Variants in RTN1 observed in about 807,000 individuals in gnomAD.
RTN1 encodes reticulon 1, also known as reticulon-1.
RTN1 carries 25 observed loss-of-function variants against 65.5 expected under a neutral mutation model. That is an observed-to-expected ratio of 0.38 (90% CI 0.28 to 0.53). The LOEUF (loss-of-function observed/expected upper bound fraction) is 0.53, where lower values mean the gene tolerates loss of function less well. Among genes scored for constraint, RTN1 ranks in the 20% least tolerant of loss-of-function variants. RTN1 has a pLI of 0.79. For missense variants in RTN1, 983 were observed against 1,025.4 expected (o/e 0.96, Z 0.57); for synonymous variants, 471 against 447.6 (o/e 1.05, Z -0.66).
chr14:59,802,285 G>C (rs930217193), intron 1 of RTN1, among the ~76,000 whole-genome samples: 1 of 152,246 alleles, frequency 6.6e-6, no homozygotes, highest in Non-Finnish European at 1.5e-5. Context: ...AGCAGCACCA[G>C]CATCAGCTGG....
chr14:59,639,776 C>T (rs1304484617), intron 3 of RTN1, among the ~76,000 whole-genome samples: 23 of 152,068 alleles, frequency 1.5e-4, no homozygotes, highest in Admixed American at 1.4e-3. Flanking sequence ...TTTTCTAAAG[C>T]TATTGAGATG....
At chr14:59,611,541 T>C (rs572986877) in intron 3 of RTN1, among the ~76,000 whole-genome samples, 11 of 152,238 alleles carry the variant, frequency 7.2e-5, no homozygotes, top group African/African-American at 2.6e-4. Flanking sequence ...TTCTCCTGAC[T>C]GGTAATGTAG....
intron 3 of RTN1, among the ~76,000 whole-genome samples, chr14:59,681,467 T>C (rs773463926): frequency 1.6e-4 from 24 of 152,178 alleles, no homozygotes; most frequent in African/African-American, 5.8e-4. Flanking sequence ...TGATTATCAA[T>C]GATGAGTGTC....
At chr14:59,703,697 T>C (rs1884230114) in intron 3 of RTN1, among the ~76,000 whole-genome samples, 2 of 152,264 alleles carry the variant, frequency 1.3e-5, no homozygotes, top group African/African-American at 4.8e-5. Context: ...CAAATCTTCA[T>C]TTTGTTCACT....
At chr14:59,681,820 G>A (rs1399894012) in intron 3 of RTN1, among the ~76,000 whole-genome samples, 1 of 152,062 alleles carries the variant, frequency 6.6e-6, no homozygotes. Context: ...TCCTGTTTCT[G>A]TCTCACTGTT....
intron 3 of RTN1, among the ~76,000 whole-genome samples, chr14:59,676,431 T>G (rs371384414): frequency 7.4e-4 from 113 of 152,326 alleles, no homozygotes; most frequent in Non-Finnish European, 1.3e-3. Context: ...CAGGTTCAAT[T>G]AAGTATCAGT....
intron 1 of RTN1, among the ~76,000 whole-genome samples, chr14:59,769,914 A>G (rs1202657913): frequency 6.6e-6 from 1 of 152,160 alleles, no homozygotes; most frequent in Non-Finnish European, 1.5e-5. Flanking sequence ...TGTTTTATGG[A>G]TGGATAGAAT....
chr14:59,803,433 CA>C lies in RTN1; in HGVS notation c.242-56953del, dbSNP rs564633808. Among the ~76,000 whole-genome samples the C allele has an allele frequency of 1.3e-4, 20 of 152,250 alleles. No homozygotes were observed. The South Asian group carries it at 4.1e-3, about 32-fold the overall frequency. On this transcript the variant is annotated intron_variant, in intron 1 of 8. Coordinates refer to ENST00000267484, the MANE Select transcript of RTN1 (RefSeq NM_021136.3). This position sits in a 1 kb window ranked among gnomAD's most constrained non-coding sequence, Gnocchi z 5.6. ...AAAAGCCAAGTCTCCACAGTCAAAG[CA>C]AAGAATTAGGGCAACTATCCAGATA...
chr14:59,834,674 T>C (rs1392500645), intron 1 of RTN1, among the ~76,000 whole-genome samples: 4 of 152,216 alleles, frequency 2.6e-5, no homozygotes, highest in Admixed American at 6.5e-5. Context: ...TTTGCACAGA[T>C]ATCTCATGAA....
Position 59,727,169 on chromosome 14 carries a change from C to T in RTN1, c.1515G>A (p.Arg505=), listed in dbSNP as rs769803289. 1 of 1,591,372 alleles carries T rather than the reference C, an allele frequency of 6.3e-7. No homozygotes were observed. Among genetic ancestry groups the T allele is most frequent in the Admixed American group, 1.8e-5 (1 of 56,724 alleles). Residue 505 remains arginine (R), a synonymous_variant, in exon 3 of 9, where the codon CGG becomes CGA. Coordinates refer to ENST00000267484, the MANE Select transcript of RTN1 (RefSeq NM_021136.3). The surrounding 1 kb of genome is among the most constrained non-coding windows in gnomAD (Gnocchi z 4.2). ...LDAIREETGV[R]AEERAPSRRG... is the part of the protein sequence containing the mutation. Reference sequence around the variant, plus strand: ...GCCGGCTTGGCGCACGCTCCTCGGCCCGGACGCCAGTCTCCTCCCGGATGG... The same window carrying T: ...GCCGGCTTGGCGCACGCTCCTCGGCTCGGACGCCAGTCTCCTCCCGGATGG...
intron 1 of RTN1, among the ~76,000 whole-genome samples, chr14:59,801,975 CTTA>C (rs1886554838): frequency 6.6e-6 from 1 of 152,110 alleles, no homozygotes; most frequent in South Asian, 2.1e-4. Flanking sequence ...GTCTTTCCAC[CTTA>C]TTAATTACTC....
At chr14:59,738,359 T>G (rs1450050783) in intron 2 of RTN1, among the ~76,000 whole-genome samples, 1 of 152,156 alleles carries the variant, frequency 6.6e-6, no homozygotes, top group African/African-American at 2.4e-5. Flanking sequence ...GAAAAGACAC[T>G]TCTCAAAAGA....
At chr14:59,867,449 G>A (rs1009503561) in intron 1 of RTN1, among the ~76,000 whole-genome samples, 1 of 152,170 alleles carries the variant, frequency 6.6e-6, no homozygotes, top group African/African-American at 2.4e-5. Context: ...TGTAACTTTA[G>A]AAGACAGTGT....
At chr14:59,786,110 C>A (rs2139581525) in intron 1 of RTN1, among the ~76,000 whole-genome samples, 1 of 152,274 alleles carries the variant, frequency 6.6e-6, no homozygotes, top group East Asian at 1.9e-4. Context: ...AAGTCAATGT[C>A]CCAGTGAGGA....
intron 2 of RTN1, among the ~76,000 whole-genome samples, chr14:59,730,751 C>T (rs1884880142): frequency 6.6e-6 from 1 of 152,146 alleles, no homozygotes; most frequent in African/African-American, 2.4e-5. Context: ...TGAAAATATG[C>T]CCAACATCAT....
At position 59,616,435 on chromosome 14, in the gene RTN1, T is replaced by A. The variant is rs946015082; in HGVS notation, c.1766-8943A>T. On this transcript the variant is annotated intron_variant, in intron 3 of 8. Transcript: ENST00000267484. ...TAACAGGTGCTCTTAAATGCAGGAT[T>A]CTAATTAATAATGCTGAAAATTGTG... Among the ~76,000 whole-genome samples, 13 of 152,162 alleles carry A rather than the reference T, an allele frequency of 8.5e-5. No homozygotes were observed. The East Asian group carries it at 2.5e-3, about 29-fold the overall frequency.
At chr14:59,728,380 C>T (rs1015176526) in intron 2 of RTN1, among the ~76,000 whole-genome samples, 1 of 151,732 alleles carries the variant, frequency 6.6e-6, no homozygotes, top group Non-Finnish European at 1.5e-5. Flanking sequence ...TAGTGGCAGC[C>T]CACTGTATTC....
intron 3 of RTN1, among the ~76,000 whole-genome samples, chr14:59,725,866 A>G (rs529597961): frequency 2.8e-4 from 43 of 152,336 alleles, no homozygotes; most frequent in African/African-American, 9.4e-4. Context: ...TAGCATAGAC[A>G]CAGGAAAGAG....
chr14:59,860,194 T>C (rs894820022), intron 1 of RTN1, among the ~76,000 whole-genome samples: 1 of 152,032 alleles, frequency 6.6e-6, no homozygotes, highest in South Asian at 2.1e-4. Flanking sequence ...CATGGGTGAG[T>C]CCAGGGTCCC....
Sources: gnomAD v4.1 joint callset for allele counts (sites outside exome capture counted in the v4.1 genomes callset) on GRCh38, gnomAD v4.1.1 for gene constraint, Gnocchi (gnomAD v3.1) non-coding constraint, MANE v1.5 for transcripts, NCBI Gene and HGNC (gene_info 2026-07-23, HGNC 2026-07-21) for gene names.